MIPOL1: variants seen among roughly 807,000 people sequenced by gnomAD.
The protein encoded by MIPOL1 is mirror-image polydactyly gene 1 protein.
A neutral mutation model predicts 60.9 loss-of-function variants in MIPOL1; 57 were observed. The ratio of observed to expected loss-of-function variants is 0.94; its 90% CI spans 0.76 to 1.17. MIPOL1 has a LOEUF of 1.17. MIPOL1 is among the 50% of genes most tolerant of loss of function. MIPOL1 has a pLI of 0.00. For synonymous variants in MIPOL1, 179 were observed against 168.8 expected (o/e 1.06, Z -0.47); for missense variants, 551 against 511.6 (o/e 1.08, Z -0.74).
chr14:37,382,330 A>C (rs928770078), intron 10 of MIPOL1, among the ~76,000 whole-genome samples: 1 of 152,064 alleles, frequency 6.6e-6, no homozygotes, highest in Non-Finnish European at 1.5e-5. Flanking sequence ...CTTAAAACTT[A>C]AGCGTTCTTT....
chr14:37,366,623 C>T (rs564940633), intron 9 of MIPOL1, among the ~76,000 whole-genome samples: 9 of 152,022 alleles, frequency 5.9e-5, no homozygotes, highest in Non-Finnish European at 8.8e-5. Context: ...GTGCATTCTG[C>T]GGCCGTTGGA....
At chr14:37,255,630 C>T (rs1460434286) in intron 3 of MIPOL1, among the ~76,000 whole-genome samples, 2 of 151,504 alleles carry the variant, frequency 1.3e-5, no homozygotes, top group Non-Finnish European at 1.5e-5. Context: ...TACAGTTTTT[C>T]TTTGTGTTCT....
chr14:37,367,468 G>A (rs1211030308), intron 9 of MIPOL1, among the ~76,000 whole-genome samples: 2 of 151,950 alleles, frequency 1.3e-5, no homozygotes, highest in Non-Finnish European at 2.9e-5. Flanking sequence ...CTATTCCTGG[G>A]TGATTTCTAA....
intron 10 of MIPOL1, among the ~76,000 whole-genome samples, chr14:37,413,749 A>G (rs147913477): frequency 8.5e-5 from 13 of 152,298 alleles, no homozygotes; most frequent in Non-Finnish European, 1.8e-4. Flanking sequence ...TCAAGTAGCA[A>G]CATCTGGTTG....
Position 37,451,216 on chromosome 14 carries a change from C to G in MIPOL1, c.1031+28267C>G, listed in dbSNP as rs188854520. Among the ~76,000 whole-genome samples the G allele has an allele frequency of 2.0e-4, 30 of 152,234 alleles. No individual in the cohort carries two copies. In the East Asian group the frequency reaches 5.8e-3, roughly 29 times the overall value. On this transcript the variant is annotated intron_variant, in intron 11 of 12. Coordinates refer to ENST00000684589, the MANE Select transcript of MIPOL1 (RefSeq NM_001388067.1). ...CTACTTTGTACAAGTTAATCTTCTT[C>G]CTTGTTCACCTGTGTATCACCCCCT... is the stretch of plus-strand genomic sequence containing the variant.
At chr14:37,514,429 G>A (rs1166621189) in intron 12 of MIPOL1, among the ~76,000 whole-genome samples, 1 of 152,066 alleles carries the variant, frequency 6.6e-6, no homozygotes, top group African/African-American at 2.4e-5. Flanking sequence ...TGAAAAGGAA[G>A]GTGTAGAAGT....
At chr14:37,395,523 TA>T in intron 10 of MIPOL1, among the ~76,000 whole-genome samples, 1 of 152,296 alleles carries the variant, frequency 6.6e-6, no homozygotes, top group East Asian at 1.9e-4. Context: ...GCAGCTATTG[TA>T]AAAGGGGTTG....
chr14:37,334,316 T>C (rs561114803), intron 9 of MIPOL1, among the ~76,000 whole-genome samples: 3 of 152,112 alleles, frequency 2.0e-5, no homozygotes, highest in South Asian at 2.1e-4. Flanking sequence ...TATGGAGATA[T>C]GAGACCTCGA....
chr14:37,394,055 G>A (rs1193300964), intron 10 of MIPOL1, among the ~76,000 whole-genome samples: 2 of 24,982 alleles, frequency 8.0e-5, no homozygotes, highest in East Asian at 1.8e-3. Context: ...GCTTAGTAGT[G>A]GCATATATAT....
intron 9 of MIPOL1, among the ~76,000 whole-genome samples, chr14:37,311,809 A>G (rs765275914): frequency 2.6e-5 from 4 of 152,132 alleles, no homozygotes; most frequent in African/African-American, 7.2e-5. Context: ...ATTAGTATCA[A>G]TTCAACTCTA....
chr14:37,471,462 G>A (rs1201060829), intron 11 of MIPOL1, among the ~76,000 whole-genome samples: 1 of 152,172 alleles, frequency 6.6e-6, no homozygotes, highest in African/African-American at 2.4e-5. Context: ...TCAGAGGAGG[G>A]TGAGGTGAGG....
chr14:37,478,844 G>T (rs1241064421), intron 11 of MIPOL1, among the ~76,000 whole-genome samples: 1 of 151,982 alleles, frequency 6.6e-6, no homozygotes, highest in Non-Finnish European at 1.5e-5. Context: ...TCAAGAGAAT[G>T]TAACAGTTGT....
intron 9 of MIPOL1, among the ~76,000 whole-genome samples, chr14:37,367,179 A>G (rs1437623369): frequency 6.6e-6 from 1 of 151,266 alleles, no homozygotes; most frequent in Non-Finnish European, 1.5e-5. Flanking sequence ...GTTCAATCCC[A>G]TTGCTTCAAA....
chr14:37,303,632 A>G (rs1207686236), intron 7 of MIPOL1, among the ~76,000 whole-genome samples: 2 of 151,758 alleles, frequency 1.3e-5, no homozygotes, highest in Non-Finnish European at 2.9e-5. Flanking sequence ...CTTTTAGAGT[A>G]TTAGTATTAA....
At chr14:37,514,986 G>T (rs2095358466) in intron 12 of MIPOL1, among the ~76,000 whole-genome samples, 1 of 152,146 alleles carries the variant, frequency 6.6e-6, no homozygotes, top group African/African-American at 2.4e-5. Context: ...TGGATTCTAA[G>T]ATTCCGTAAT....
At chr14:37,313,217 T>G (rs1030417556) in intron 9 of MIPOL1, among the ~76,000 whole-genome samples, 1 of 152,140 alleles carries the variant, frequency 6.6e-6, no homozygotes, top group Non-Finnish European at 1.5e-5. Flanking sequence ...AGAAGCACAA[T>G]TGGACTCAGG....
intron 3 of MIPOL1, among the ~76,000 whole-genome samples, chr14:37,249,291 C>A (rs923292037): frequency 6.6e-6 from 1 of 152,094 alleles, no homozygotes; most frequent in Non-Finnish European, 1.5e-5. Flanking sequence ...CAACAGGGCT[C>A]CTGTTCAGCA....
At chr14:37,422,442 A>G (rs1231519034) in intron 10 of MIPOL1, among the ~76,000 whole-genome samples, 2 of 151,990 alleles carry the variant, frequency 1.3e-5, no homozygotes, top group Non-Finnish European at 2.9e-5. Flanking sequence ...ACTATTAATA[A>G]AGTTAAAAGA....
chr14:37,309,655 C>A (rs1258725898), intron 9 of MIPOL1, among the ~76,000 whole-genome samples: 1 of 151,222 alleles, frequency 6.6e-6, no homozygotes, highest in African/African-American at 2.4e-5. Context: ...TGCTATCTTT[C>A]TAGCTCATTC....
Sources: gnomAD v4.1 joint callset for allele counts (sites outside exome capture counted in the v4.1 genomes callset) on GRCh38, gnomAD v4.1.1 for gene constraint, MANE v1.5 for transcripts, NCBI Gene and HGNC (gene_info 2026-07-23, HGNC 2026-07-21) for gene names.